Variants in MARCHF1 observed in about 807,000 individuals in gnomAD.
MARCHF1 encodes the protein membrane associated ring-CH-type finger 1, also known as E3 ubiquitin-protein ligase MARCHF1.
MARCHF1 carries 40 observed loss-of-function variants against 54.2 expected under a neutral mutation model. That is an observed-to-expected ratio of 0.74 (90% CI 0.57 to 0.96). The LOEUF is 0.96. Ranked by LOEUF, MARCHF1 falls within the 40% of genes least tolerant of loss-of-function variation. The pLI is 0.00. For synonymous variants in MARCHF1, 236 were observed against 236.3 expected (o/e 1.00, Z 0.01); for missense variants, 586 against 656.5 (o/e 0.89, Z 1.17).
chr4:163,737,372 C>T lies in MARCHF1; in HGVS notation c.112-36509G>A, dbSNP rs1490707481. On this transcript the variant is annotated intron_variant, in intron 4 of 9. Coordinates refer to ENST00000514618, the MANE Select transcript of MARCHF1 (RefSeq NM_001394959.1). ...CCAATGCTATCCCTCCCCCCTCCCC[C>T]GACCCCACCACAGTCCCCAGAGTGT... 1.9e-4 allele frequency among the ~76,000 whole-genome samples: 8 copies of T among 42,270 alleles called. 1 individual carries two copies. In the South Asian group the frequency reaches 8.7e-3, roughly 46 times the overall value. 27.7% of individuals were successfully genotyped at this position (42,270 alleles called of 152,430 possible).
intron 4 of MARCHF1, among the ~76,000 whole-genome samples, chr4:163,824,057 G>T (rs752717592): frequency 7.4e-6 from 1 of 135,182 alleles, no homozygotes; most frequent in Non-Finnish European, 1.6e-5. Context: ...AAGCCAAGTA[G>T]CAACTTGAGG....
intron 2 of MARCHF1, among the ~76,000 whole-genome samples, chr4:163,992,253 C>A (rs1752982528): frequency 1.3e-5 from 2 of 151,892 alleles, no homozygotes; most frequent in Non-Finnish European, 2.9e-5. Flanking sequence ...CTGAACCATG[C>A]TAGGAATTAA....
intron 1 of MARCHF1, among the ~76,000 whole-genome samples, chr4:164,119,537 T>C (rs1453330974): frequency 6.6e-6 from 1 of 151,030 alleles, no homozygotes; most frequent in Admixed American, 6.6e-5. Flanking sequence ...ACACAAAAAT[T>C]GAGGTTAAAA....
At chr4:163,994,776 C>T (rs1031422175) in intron 2 of MARCHF1, among the ~76,000 whole-genome samples, 1 of 73,184 alleles carries the variant, frequency 1.4e-5, no homozygotes, top group South Asian at 8.2e-4. Context: ...CACACACACA[C>T]ACACACACAC....
intron 7 of MARCHF1, among the ~76,000 whole-genome samples, chr4:163,603,834 T>C (rs898602364): frequency 4.6e-5 from 7 of 152,044 alleles, no homozygotes; most frequent in Admixed American, 3.9e-4. Context: ...CTTCCTACCT[T>C]CTCTGTGGGA....
chr4:163,752,692 T>C (rs1343916105), intron 4 of MARCHF1, among the ~76,000 whole-genome samples: 1 of 152,098 alleles, frequency 6.6e-6, no homozygotes, highest in Non-Finnish European at 1.5e-5. Flanking sequence ...TGTGGAAAAA[T>C]TGGCAAAATA....
chr4:163,960,903 G>A (rs1367099857), intron 3 of MARCHF1, among the ~76,000 whole-genome samples: 2 of 151,420 alleles, frequency 1.3e-5, no homozygotes, highest in African/African-American at 4.8e-5. Flanking sequence ...TCAAGGTGCT[G>A]TCAGGGCTGG....
Position 163,728,124 on chromosome 4 carries a change from G to A in MARCHF1, c.112-27261C>T, listed in dbSNP as rs149812781. Among the ~76,000 whole-genome samples, 72 of 152,250 alleles carry A rather than the reference G, an allele frequency of 4.7e-4. 1 individual carries two copies. Among genetic ancestry groups the A allele is most frequent in the African/African-American group, 1.2e-3 (50 of 41,548 alleles). On this transcript the variant is annotated intron_variant, in intron 4 of 9. Coordinates refer to ENST00000514618, the MANE Select transcript of MARCHF1 (RefSeq NM_001394959.1). ...CCACACTGTAGCTGGGACTACAGGC[G>A]CATGCCACCACACGCAGTTAAGTTT...
chr4:164,283,902 GTTATTA>G (rs1734083929), intron 1 of MARCHF1, among the ~76,000 whole-genome samples: 1 of 150,858 alleles, frequency 6.6e-6, no homozygotes, highest in African/African-American at 2.4e-5. Context: ...TCCACATGAG[GTTATTA>G]TCATTAGAAA....
intron 4 of MARCHF1, among the ~76,000 whole-genome samples, chr4:163,829,790 A>T (rs572770631): frequency 6.6e-6 from 1 of 152,206 alleles, no homozygotes; most frequent in South Asian, 2.1e-4. Flanking sequence ...ACTGAAGGGA[A>T]TGTGAACAGC....
At chr4:164,283,192 CT>C (rs1734068637) in intron 1 of MARCHF1, among the ~76,000 whole-genome samples, 1 of 151,084 alleles carries the variant, frequency 6.6e-6, no homozygotes, top group South Asian at 2.1e-4. Flanking sequence ...AGGAAAATCG[CT>C]TAACCTCGCT....
intron 1 of MARCHF1, among the ~76,000 whole-genome samples, chr4:164,231,067 A>G (rs1246135906): frequency 6.6e-6 from 1 of 152,130 alleles, no homozygotes; most frequent in Admixed American, 6.6e-5. Context: ...GATGGATATA[A>G]AGGTCCAGGA....
intron 1 of MARCHF1, chr4:164,130,030 T>C (rs1756268026): frequency 6.6e-6 from 1 of 152,152 alleles, no homozygotes; most frequent in South Asian, 2.1e-4. Context: ...ATCAAGAATA[T>C]CTGTAATTTA....
intron 1 of MARCHF1, among the ~76,000 whole-genome samples, chr4:164,370,886 C>A (rs1228745460): frequency 6.6e-6 from 1 of 151,872 alleles, no homozygotes; most frequent in Non-Finnish European, 1.5e-5. Flanking sequence ...CTAGCCTGGG[C>A]AACAGTGTGA....
At chr4:163,713,840 A>G (rs1417264954) in intron 4 of MARCHF1, among the ~76,000 whole-genome samples, 2 of 152,224 alleles carry the variant, frequency 1.3e-5, no homozygotes, top group African/African-American at 4.8e-5. Flanking sequence ...CCAAAGCCTC[A>G]ATGAACCTTG....
At chr4:163,895,246 AT>A (rs1393117917) in intron 3 of MARCHF1, among the ~76,000 whole-genome samples, 1 of 152,168 alleles carries the variant, frequency 6.6e-6, no homozygotes, top group Non-Finnish European at 1.5e-5. Context: ...TAAGATGTCT[AT>A]TTATGCAATT....
intron 1 of MARCHF1, among the ~76,000 whole-genome samples, chr4:164,195,492 A>T (rs1458183349): frequency 6.6e-6 from 1 of 152,150 alleles, no homozygotes; most frequent in Non-Finnish European, 1.5e-5. Flanking sequence ...TTTTATCCCC[A>T]CAATTTCTCA....
intron 9 of MARCHF1, among the ~76,000 whole-genome samples, chr4:163,543,939 A>C (rs923586713): frequency 6.6e-6 from 1 of 152,204 alleles, no homozygotes; most frequent in Non-Finnish European, 1.5e-5. Flanking sequence ...GGGAGAGACT[A>C]CATTACCTGG....
intron 4 of MARCHF1, among the ~76,000 whole-genome samples, chr4:163,756,438 C>T (rs1268375556): frequency 6.6e-6 from 1 of 151,400 alleles, no homozygotes; most frequent in African/African-American, 2.4e-5. Context: ...ACTATCCTGG[C>T]CAACACGGTG....
Sources: allele counts gnomAD v4.1 joint callset (sites outside exome capture counted in the v4.1 genomes callset), GRCh38; gene constraint gnomAD v4.1.1; transcripts MANE v1.5; gene names NCBI Gene and HGNC (gene_info 2026-07-23, HGNC 2026-07-21).